Variants in SYNRG observed in about 807,000 individuals in gnomAD.
SYNRG encodes AP1 gamma subunit binding protein 1.
A neutral mutation model predicts 130.9 loss-of-function variants in SYNRG; 37 were observed. That is an observed-to-expected ratio of 0.28 (90% CI 0.22 to 0.37). The LOEUF (loss-of-function observed/expected upper bound fraction) is 0.37, where lower values mean the gene tolerates loss of function less well. Ranked by LOEUF, SYNRG falls within the 10% of genes least tolerant of loss-of-function variation. SYNRG has a pLI of 1.00. For synonymous variants in SYNRG, 539 were observed against 568.1 expected (o/e 0.95, Z 0.73); for missense variants, 1,338 against 1,588.9 (o/e 0.84, Z 2.68).
intron 11 of SYNRG, among the ~76,000 whole-genome samples, chr17:37,566,396 C>T (rs1311738583): frequency 6.8e-6 from 1 of 146,222 alleles, no homozygotes; most frequent in Non-Finnish European, 1.5e-5. Flanking sequence ...GGATTAAGGG[C>T]GGTGCAAGAT....
At chr17:37,565,291 G>T (rs1419776130) in intron 11 of SYNRG, among the ~76,000 whole-genome samples, 9 of 151,994 alleles carry the variant, frequency 5.9e-5, no homozygotes, top group Non-Finnish European at 5.9e-5. Flanking sequence ...TTCATTCAAG[G>T]AAAGTATGGA....
intron 19 of SYNRG, among the ~76,000 whole-genome samples, chr17:37,535,162 G>A (rs1748000603): frequency 6.6e-6 from 1 of 151,704 alleles, no homozygotes; most frequent in South Asian, 2.1e-4. Flanking sequence ...ATATTCCAAG[G>A]AATAAATGGT....
At chr17:37,580,416 C>T (rs2061207916) in intron 6 of SYNRG, among the ~76,000 whole-genome samples, 1 of 151,360 alleles carries the variant, frequency 6.6e-6, no homozygotes. Flanking sequence ...TTTTCTGCCT[C>T]AGCCTCTCAA....
At position 37,540,449 on chromosome 17, in the gene SYNRG, AT is replaced by A; in HGVS notation, c.3296del (p.Asn1099IlefsTer3). On this transcript the variant is annotated frameshift_variant, in exon 16 of 22. Transcript: ENST00000612223. LOFTEE classifies it high-confidence loss of function. ...GCAGGGCGGGCTTCTCATTCAGAGT[AT>A]TGGAACGGTCTCTGAAAGGCTGCTC... The part of the protein sequence containing the change: ...ALEQPFRDRS[N>X]TLNEKPALPV... 1.2e-6 allele frequency: 2 copies of A among 1,613,844 alleles called. No individual in the cohort carries two copies. The highest frequency in any genetic ancestry group is 1.7e-6 in the Non-Finnish European group (2 of 1,179,954).
At chr17:37,574,095 A>G (rs1424381745) in intron 8 of SYNRG, among the ~76,000 whole-genome samples, 1 of 152,226 alleles carries the variant, frequency 6.6e-6, no homozygotes, top group Non-Finnish European at 1.5e-5. Flanking sequence ...TAGAGAACCC[A>G]GAAATAAATC....
At chr17:37,529,567 G>A (rs2056388465) in intron 19 of SYNRG, among the ~76,000 whole-genome samples, 2 of 151,222 alleles carry the variant, frequency 1.3e-5, no homozygotes, top group Admixed American at 1.3e-4. Flanking sequence ...AAAAGAAAAG[G>A]TGTGGAGGGG....
At chr17:37,557,850 A>T (rs566692692) in intron 13 of SYNRG, among the ~76,000 whole-genome samples, 2 of 148,136 alleles carry the variant, frequency 1.4e-5, no homozygotes, top group East Asian at 3.9e-4. Flanking sequence ...TGTCTCTCAG[A>T]AAAAAAAAAA....
intron 1 of SYNRG, among the ~76,000 whole-genome samples, chr17:37,608,998 C>T (rs532166649): frequency 6.8e-6 from 1 of 146,768 alleles, no homozygotes; most frequent in Admixed American, 6.8e-5. Flanking sequence ...CCCCCCCCAC[C>T]CCAAGAGGAC....
chr17:37,602,224 A>C (rs1015715039), intron 1 of SYNRG, among the ~76,000 whole-genome samples: 4 of 151,726 alleles, frequency 2.6e-5, no homozygotes, highest in Non-Finnish European at 4.4e-5. Context: ...AATTCCAGCT[A>C]CTCAGGAGGC....
intron 3 of SYNRG, among the ~76,000 whole-genome samples, chr17:37,589,344 C>G (rs186117039): frequency 9.2e-5 from 14 of 152,198 alleles, no homozygotes; most frequent in African/African-American, 3.1e-4. Context: ...TTTACTGATG[C>G]AAGGAAAGAC....
chr17:37,582,931 A>C (rs2061440698), intron 6 of SYNRG, among the ~76,000 whole-genome samples: 1 of 152,162 alleles, frequency 6.6e-6, no homozygotes. Flanking sequence ...AGAAATTTAA[A>C]AGGTGCCTTT....
At chr17:37,538,896 G>A (rs1598182708) in intron 17 of SYNRG, 1 of 517,968 alleles carries the variant, frequency 1.9e-6, no homozygotes, top group East Asian at 1.5e-4. Context: ...ACCCAGCCAA[G>A]ACAGGTTCTT....
At chr17:37,521,775 C>A (rs576163946) in intron 19 of SYNRG, among the ~76,000 whole-genome samples, 9 of 152,172 alleles carry the variant, frequency 5.9e-5, no homozygotes, top group African/African-American at 2.2e-4. Flanking sequence ...GAGAAATGGG[C>A]ACGTGAAAGA....
At chr17:37,575,460 A>AT (rs61321666) in intron 8 of SYNRG, among the ~76,000 whole-genome samples, 6 of 129,672 alleles carry the variant, frequency 4.6e-5, no homozygotes, top group Non-Finnish European at 8.5e-5. Flanking sequence ...TTAAAAATAA[A>AT]TTTTTTTTTG....
Position 37,576,526 on chromosome 17 carries a change from A to C in SYNRG, c.824-108T>G, listed in dbSNP as rs562286509. Reference sequence around the variant, plus strand: ...AGCACTGGCTGGAGACACTAAAAAAAGTCACCAATACAATTAAAATACTTG... The same window carrying C: ...AGCACTGGCTGGAGACACTAAAAAACGTCACCAATACAATTAAAATACTTG... On this transcript the variant is annotated intron_variant, in intron 7 of 21. Coordinates refer to ENST00000612223, the MANE Select transcript of SYNRG (RefSeq NM_007247.6). 48 of 941,820 alleles carry C rather than the reference A, an allele frequency of 5.1e-5. No homozygotes were observed. The African/African-American group carries it at 6.5e-4, about 13-fold the overall frequency. 58.3% of individuals were successfully genotyped at this position (941,820 alleles called of 1,614,324 possible).
intron 15 of SYNRG, 24 bp from the exon 16 acceptor site, chr17:37,540,567 C>A (rs751132467): frequency 1.9e-6 from 3 of 1,602,886 alleles, no homozygotes; most frequent in Admixed American, 3.4e-5. Flanking sequence ...ATAATACAGT[C>A]AAAGGTTTTG....
chr17:37,527,691 T>C lies in SYNRG; in HGVS notation c.3667-7043A>G, dbSNP rs149538666. 1.1e-4 allele frequency among the ~76,000 whole-genome samples: 17 copies of C among 152,254 alleles called. No homozygotes were observed. The East Asian group carries it at 3.3e-3, about 29-fold the overall frequency. ...TTAGGTGTTATAAGTAATCTAGAGA[T>C]TCTTTAAAATACACAGGAGGATGTG... On this transcript the variant is annotated intron_variant, in intron 19 of 21. Transcript: ENST00000612223.
In SYNRG at chr17:37,577,426, T is replaced by C. The variant is rs750107981; in HGVS notation, c.777A>G (p.Ala259=). Residue 259 remains alanine, a synonymous_variant, in exon 7 of 22, where the codon GCA becomes GCG. Transcript: ENST00000612223. ...VDGCVSGTTT[A]EAENTSDQNL... The stretch of plus-strand genomic sequence containing the variant: ...TTTGATCTGAAGTATTTTCTGCCTC[T>C]GCAGTGGTGGTACCACTTACACATC... 2.0e-5 allele frequency: 32 copies of C among 1,614,106 alleles called. No homozygotes were observed. The highest frequency in any genetic ancestry group is 2.7e-5 in the Non-Finnish European group (32 of 1,180,054).
intron 16 of SYNRG, among the ~76,000 whole-genome samples, chr17:37,539,950 CA>C (rs1290467410): frequency 2.0e-5 from 3 of 152,038 alleles, no homozygotes; most frequent in Non-Finnish European, 4.4e-5. Context: ...GCACATGTAA[CA>C]AGGAGTAGGG....
Sources: allele counts gnomAD v4.1 joint callset (sites outside exome capture counted in the v4.1 genomes callset), GRCh38; gene constraint gnomAD v4.1.1; transcripts MANE v1.5; gene names NCBI Gene and HGNC (gene_info 2026-07-23, HGNC 2026-07-21).